Variants in MCTP2 observed in about 807,000 individuals in gnomAD.
The protein encoded by MCTP2 is multiple C2 and transmembrane domain-containing protein 2.
In MCTP2, 132 loss-of-function variants were observed where a neutral mutation model predicts 111.6. The ratio of observed to expected loss-of-function variants is 1.18; its 90% CI spans 1.03 to 1.37. The LOEUF (loss-of-function observed/expected upper bound fraction) is 1.37, where lower values mean the gene tolerates loss of function less well. Among genes scored for constraint, MCTP2 ranks in the 40% most tolerant of loss-of-function variants. The pLI is 0.00. For missense variants in MCTP2, 1,183 were observed against 1,067.9 expected, an observed-to-expected ratio of 1.11 and a Z score of -1.50; for synonymous variants, 395 against 387.7, an observed-to-expected ratio of 1.02 and a Z score of -0.22.
chr15:94,385,996 A>G (rs1461400040), intron 14 of MCTP2, among the ~76,000 whole-genome samples: 3 of 152,186 alleles, frequency 2.0e-5, no homozygotes, highest in Admixed American at 6.6e-5. Flanking sequence ...TTTAGCAGTC[A>G]TGTTTGCTTT....
chr15:94,403,751 C>T (rs746785498), intron 17 of MCTP2, among the ~76,000 whole-genome samples: 15 of 152,304 alleles, frequency 9.8e-5, no homozygotes, highest in African/African-American at 3.1e-4. Flanking sequence ...CTTCATGCCT[C>T]GGAGCAGAGC....
intron 14 of MCTP2, among the ~76,000 whole-genome samples, chr15:94,390,069 T>TATAC (rs2080804961): frequency 1.8e-4 from 2 of 11,104 alleles, no homozygotes; most frequent in Non-Finnish European, 6.3e-4. Flanking sequence ...TATATATATA[T>TATAC]ATATATATAT....
At chr15:94,476,385 G>A (rs2074353064) in intron 21 of MCTP2, 1 of 190,106 alleles carries the variant, frequency 5.3e-6, no homozygotes, top group Admixed American at 6.1e-5. Context: ...GGATTGTAAT[G>A]GGATTTTCAC....
chr15:94,418,362 G>A (rs946827634), intron 17 of MCTP2, among the ~76,000 whole-genome samples: 6 of 152,050 alleles, frequency 3.9e-5, no homozygotes, highest in Admixed American at 1.3e-4. Flanking sequence ...TACCTTTATG[G>A]AGAATAAATA....
intron 14 of MCTP2, among the ~76,000 whole-genome samples, chr15:94,389,121 T>A (rs2080705293): frequency 6.6e-6 from 1 of 152,114 alleles, no homozygotes; most frequent in Non-Finnish European, 1.5e-5. Flanking sequence ...GACGGATGGG[T>A]TTAAGTTTAG....
chr15:94,282,050 G>T (rs2074514900), intron 1 of MCTP2, among the ~76,000 whole-genome samples: 1 of 152,008 alleles, frequency 6.6e-6, no homozygotes, highest in Non-Finnish European at 1.5e-5. Flanking sequence ...ATCTTGCAGG[G>T]GTTCTATGAA....
intron 14 of MCTP2, among the ~76,000 whole-genome samples, chr15:94,387,355 T>C (rs1165311846): frequency 6.6e-6 from 1 of 151,828 alleles, no homozygotes; most frequent in East Asian, 1.9e-4. Context: ...CCCACATCCC[T>C]GCTGTGACAG....
chr15:94,447,106 T>A (rs931302032), intron 19 of MCTP2, among the ~76,000 whole-genome samples: 1 of 152,190 alleles, frequency 6.6e-6, no homozygotes, highest in Non-Finnish European at 1.5e-5. Context: ...TCCTCTAAAT[T>A]GATTAGTCAG....
Position 94,411,751 on chromosome 15 carries a change from C to CA in MCTP2, c.2085+9741dup, listed in dbSNP as rs548142646. The stretch of plus-strand genomic sequence containing the variant: ...CCTGATCATCCCCATCTCACGTATA[C>CA]AAAAAAAAAGATTTTGATATTTAAT... On this transcript the variant is annotated intron_variant, in intron 17 of 22. Coordinates refer to ENST00000357742, the MANE Select transcript of MCTP2 (RefSeq NM_001385001.1). Among the ~76,000 whole-genome samples the CA allele has an allele frequency of 4.6e-3, 685 of 150,182 alleles. 1 individual carries two copies. Among genetic ancestry groups the CA allele is most frequent in the African/African-American group, 0.015 (597 of 40,926 alleles).
chr15:94,270,632 A>G (rs2073859083), intron 1 of MCTP2, among the ~76,000 whole-genome samples: 1 of 151,590 alleles, frequency 6.6e-6, no homozygotes, highest in African/African-American at 2.4e-5. Flanking sequence ...CCTACCCCCT[A>G]TCCCCCTCTC....
At chr15:94,340,076 A>T (rs1408805001) in intron 5 of MCTP2, 123 bp from the exon 6 acceptor site, 7 of 693,374 alleles carry the variant, frequency 1.0e-5, no homozygotes, top group Non-Finnish European at 1.8e-5. Flanking sequence ...TATACTATGC[A>T]AAGTATTTCA....
intron 19 of MCTP2, among the ~76,000 whole-genome samples, chr15:94,451,362 G>C (rs961827486): frequency 6.6e-6 from 1 of 152,070 alleles, no homozygotes; most frequent in East Asian, 1.9e-4. Context: ...GGTGATGCAG[G>C]CTTGCTCACA....
chr15:94,435,634 T>TC (rs2083428113), intron 17 of MCTP2, among the ~76,000 whole-genome samples: 1 of 115,630 alleles, frequency 8.6e-6, no homozygotes, highest in Non-Finnish European at 1.9e-5. Flanking sequence ...TTATTCTTTT[T>TC]TTTTTTTTTT....
intron 22 of MCTP2, among the ~76,000 whole-genome samples, chr15:94,477,497 A>G (rs547690653): frequency 1.3e-5 from 2 of 152,302 alleles, no homozygotes; most frequent in South Asian, 4.2e-4. Flanking sequence ...AATCCAGAGG[A>G]AGGAGGGCAG....
intron 4 of MCTP2, among the ~76,000 whole-genome samples, chr15:94,332,724 A>G (rs1030182046): frequency 2.1e-4 from 32 of 151,436 alleles, no homozygotes; most frequent in African/African-American, 7.6e-4. Context: ...TTTTGGATAA[A>G]TTGCATGGCT....
At chr15:94,311,475 C>G (rs1351982382) in intron 2 of MCTP2, among the ~76,000 whole-genome samples, 1 of 152,182 alleles carries the variant, frequency 6.6e-6, no homozygotes, top group Non-Finnish European at 1.5e-5. Flanking sequence ...GCAACTTCTA[C>G]TCAACGAATA....
At chr15:94,448,059 T>C (rs1475297011) in intron 19 of MCTP2, among the ~76,000 whole-genome samples, 1 of 152,238 alleles carries the variant, frequency 6.6e-6, no homozygotes, top group East Asian at 1.9e-4. Flanking sequence ...CAGCCAATTC[T>C]TAATTATCAG....
At chr15:94,361,264 T>C (rs1439479546) in intron 10 of MCTP2, among the ~76,000 whole-genome samples, 1 of 152,116 alleles carries the variant, frequency 6.6e-6, no homozygotes, top group Non-Finnish European at 1.5e-5. Context: ...GCTTTGTTTT[T>C]GGATAAAACC....
At chr15:94,437,539 T>C (rs945139882) in intron 17 of MCTP2, among the ~76,000 whole-genome samples, 3 of 152,226 alleles carry the variant, frequency 2.0e-5, no homozygotes, top group East Asian at 3.9e-4. Context: ...ATAATCATTA[T>C]GAAATGTTAA....
Sources: gnomAD v4.1 joint callset for allele counts (sites outside exome capture counted in the v4.1 genomes callset) on GRCh38, gnomAD v4.1.1 for gene constraint, MANE v1.5 for transcripts, NCBI Gene and HGNC (gene_info 2026-07-23, HGNC 2026-07-21) for gene names.